Variants in PPFIA1 observed in about 807,000 individuals in gnomAD.
PPFIA1 encodes the protein PPFI scaffold protein A1.
A neutral mutation model predicts 149.9 loss-of-function variants in PPFIA1; 25 were observed. That is an observed-to-expected ratio of 0.17 (90% CI 0.12 to 0.23). The LOEUF is 0.23. Ranked by LOEUF, PPFIA1 falls within the 10% of genes least tolerant of loss-of-function variation. PPFIA1 has a pLI of 1.00. For synonymous variants in PPFIA1, 549 were observed against 552.8 expected, an observed-to-expected ratio of 0.99 and a Z score of 0.10; for missense variants, 1,362 against 1,506.5, an observed-to-expected ratio of 0.90 and a Z score of 1.59.
At chr11:70,289,199 T>C (rs1453117041) in intron 2 of PPFIA1, among the ~76,000 whole-genome samples, 2 of 152,002 alleles carry the variant, frequency 1.3e-5, no homozygotes, top group Non-Finnish European at 2.9e-5. Flanking sequence ...TTTGAACTCC[T>C]GACCTCAGAA....
intron 5 of PPFIA1, 36 bp from the exon 6 acceptor site, chr11:70,326,226 G>A (rs200085975): frequency 2.4e-5 from 28 of 1,188,164 alleles, no homozygotes; most frequent in South Asian, 9.6e-5. Flanking sequence ...TCTTATGTAA[G>A]GTATTTTACA....
chr11:70,285,417 G>T (rs1029840556), intron 2 of PPFIA1, among the ~76,000 whole-genome samples: 9 of 152,072 alleles, frequency 5.9e-5, no homozygotes, highest in Non-Finnish European at 1.2e-4. Flanking sequence ...CTCTTGCCGG[G>T]TGCGGTGGCT....
At chr11:70,320,456 T>G (rs1323056956) in intron 2 of PPFIA1, among the ~76,000 whole-genome samples, 1 of 149,660 alleles carries the variant, frequency 6.7e-6, no homozygotes, top group Non-Finnish European at 1.5e-5. Flanking sequence ...TTTTTTTTTT[T>G]GAGACGCTCT....
At chr11:70,339,938 C>T (rs2055212756) in intron 14 of PPFIA1, among the ~76,000 whole-genome samples, 1 of 151,990 alleles carries the variant, frequency 6.6e-6, no homozygotes, top group African/African-American at 2.4e-5. Flanking sequence ...ATCGCTTGAA[C>T]CCGGGAGGCG....
intron 2 of PPFIA1, among the ~76,000 whole-genome samples, chr11:70,281,515 G>A (rs1032398273): frequency 2.6e-5 from 4 of 152,216 alleles, no homozygotes; most frequent in African/African-American, 9.6e-5. Context: ...GGCCAGGTTT[G>A]CAGAGTGTTG....
chr11:70,365,314 T>C, intron 21 of PPFIA1: 1 of 451,376 alleles, frequency 2.2e-6, no homozygotes, highest in Admixed American at 2.4e-5. Context: ...TGTGCCCCTC[T>C]CCTCTTTGTC....
chr11:70,345,021 G>C (rs1049642663), intron 15 of PPFIA1, among the ~76,000 whole-genome samples: 34 of 151,306 alleles, frequency 2.2e-4, no homozygotes, highest in Non-Finnish European at 3.0e-5. Context: ...ACTGGCCACC[G>C]GGGCTGCTCT....
intron 10 of PPFIA1, among the ~76,000 whole-genome samples, chr11:70,334,903 C>T (rs887046437): frequency 6.6e-6 from 1 of 152,204 alleles, no homozygotes; most frequent in African/African-American, 2.4e-5. Flanking sequence ...CACCTACTGA[C>T]ACTTCCTGTC....
chr11:70,329,041 A>C (rs2054491649), intron 7 of PPFIA1, among the ~76,000 whole-genome samples: 1 of 152,116 alleles, frequency 6.6e-6, no homozygotes, highest in Non-Finnish European at 1.5e-5. Flanking sequence ...TTAAACTGGT[A>C]CTTCTGTTTC....
chr11:70,277,521 C>T (rs562576721), intron 2 of PPFIA1, among the ~76,000 whole-genome samples: 19 of 150,126 alleles, frequency 1.3e-4, no homozygotes, highest in East Asian at 7.8e-4. Context: ...GACAGAGTCT[C>T]GCTCTGTTGC....
intron 2 of PPFIA1, among the ~76,000 whole-genome samples, chr11:70,285,939 A>C (rs567073790): frequency 1.3e-5 from 2 of 152,256 alleles, no homozygotes; most frequent in African/African-American, 4.8e-5. Flanking sequence ...AAATGGAAAA[A>C]ACCAAACTTA....
rs1205935391 is a variant in PPFIA1, at chr11:70,324,510, G to A, written c.366+7G>A. The A allele has an allele frequency of 1.9e-6, 3 of 1,599,024 alleles. No homozygotes were observed. Among genetic ancestry groups the A allele is most frequent in the African/African-American group, 2.7e-5 (2 of 74,488 alleles). On this transcript the variant is annotated splice_region_variant and intron_variant, in intron 3 of 27. Coordinates refer to ENST00000253925, the MANE Select transcript of PPFIA1 (RefSeq NM_003626.5). ...AGAAAGGAATAACACCAGGGTGAGTGTGACCTTTCTGTTCACTGCCTGCCC... is the reference window on the plus strand; with the variant it reads ...AGAAAGGAATAACACCAGGGTGAGTATGACCTTTCTGTTCACTGCCTGCCC...
chr11:70,293,626 C>T (rs886828543), intron 2 of PPFIA1, among the ~76,000 whole-genome samples: 2 of 152,226 alleles, frequency 1.3e-5, no homozygotes, highest in Non-Finnish European at 2.9e-5. Context: ...GGTCTGCCAT[C>T]ACTTAATCTG....
intron 4 of PPFIA1, 31 bp from the exon 5 acceptor site, chr11:70,325,469 C>A (rs755752214): frequency 6.2e-6 from 9 of 1,462,954 alleles, no homozygotes; most frequent in Non-Finnish European, 8.6e-6. Context: ...TATACACACA[C>A]ACACACAAAC....
chr11:70,361,227 C>T (rs956578519), intron 19 of PPFIA1, among the ~76,000 whole-genome samples: 3 of 152,138 alleles, frequency 2.0e-5, no homozygotes, highest in Admixed American at 6.5e-5. Flanking sequence ...CATGTATAGT[C>T]GTCTCTCAGA....
intron 11 of PPFIA1, among the ~76,000 whole-genome samples, chr11:70,336,238 C>G (rs1015279119): frequency 1.2e-4 from 18 of 152,246 alleles, no homozygotes; most frequent in Admixed American, 1.0e-3. Context: ...CGTGGTGGCT[C>G]ACGTCTGTAA....
intron 25 of PPFIA1, 83 bp from the exon 26 acceptor site, chr11:70,377,947 A>C (rs2057552951): frequency 3.8e-6 from 4 of 1,052,098 alleles, no homozygotes; most frequent in Non-Finnish European, 5.7e-6. Context: ...CGAGATCAGC[A>C]GTCATTTTAA....
intron 18 of PPFIA1, 76 bp from the exon 19 acceptor site, chr11:70,356,085 T>C: frequency 8.4e-7 from 1 of 1,197,578 alleles, no homozygotes; most frequent in Non-Finnish European, 1.2e-6. Flanking sequence ...CCTGCAAATA[T>C]TCATCTGCCT....
At chr11:70,373,625 TAAG>T (rs1323935209) in intron 23 of PPFIA1, 2 of 152,188 alleles carry the variant, frequency 1.3e-5, no homozygotes, top group Non-Finnish European at 1.5e-5. Context: ...ACAATAATGA[TAAG>T]AAGAGGCCAG....
Sources: gnomAD v4.1 joint callset for allele counts (sites outside exome capture counted in the v4.1 genomes callset) on GRCh38, gnomAD v4.1.1 for gene constraint, MANE v1.5 for transcripts, NCBI Gene and HGNC (gene_info 2026-07-23, HGNC 2026-07-21) for gene names.